The following PATJ variants were observed in gnomAD, a reference collection of about 807,000 sequenced individuals.
PATJ encodes the protein inaD-like protein.
PATJ carries 190 observed loss-of-function variants against 224.9 expected under a neutral mutation model. The observed-to-expected ratio is 0.84, with a 90% CI of 0.75 to 0.95. The LOEUF (loss-of-function observed/expected upper bound fraction) is 0.95. Ranked by LOEUF, PATJ falls within the 40% of genes least tolerant of loss-of-function variation. PATJ has a pLI of 0.00. For synonymous variants in PATJ, 769 were observed against 820.3 expected, an observed-to-expected ratio of 0.94 and a Z score of 1.07; for missense variants, 2,121 against 2,270.3, an observed-to-expected ratio of 0.93 and a Z score of 1.34.
intron 1 of PATJ, among the ~76,000 whole-genome samples, chr1:61,757,525 ACAGGCGTG>A (rs1193463408): frequency 6.6e-6 from 1 of 151,916 alleles, no homozygotes; most frequent in Non-Finnish European, 1.5e-5. Context: ...AGCTGGGACT[ACAGGCGTG>A]CACCATCACA....
chr1:61,757,646 A>G (rs1645726032), intron 1 of PATJ, among the ~76,000 whole-genome samples: 1 of 151,844 alleles, frequency 6.6e-6, no homozygotes, highest in African/African-American at 2.4e-5. Context: ...TTGGTCTCCT[A>G]AAGTGCTAGG....
intron 27 of PATJ, among the ~76,000 whole-genome samples, chr1:61,949,363 G>A (rs1020354961): frequency 5.3e-5 from 8 of 152,070 alleles, no homozygotes; most frequent in African/African-American, 1.9e-4. Context: ...TTGGGGGGTG[G>A]TGGGAAGTGG....
Position 61,775,308 on chromosome 1 carries a change from A to G in PATJ, c.823A>G (p.Ile275Val), listed in dbSNP as rs753018571. The change falls in exon 7 of 44, where the codon ATA becomes GTA. Residue 275 changes from isoleucine to valine, a missense_variant. Ile to Val is a conservative substitution (Grantham distance 29). Coordinates refer to ENST00000642238, the MANE Select transcript of PATJ (RefSeq NM_001350145.3). The part of the protein sequence containing the change: ...GKTSGVVVRT[I>V]VPGGLADRDG... ...AACAAGTGGCGTGGTTGTGAGGACT[A>G]TAGTTCCTGGAGGATTAGCAGATCG... is the stretch of plus-strand genomic sequence containing the variant. The G allele has an allele frequency of 2.5e-6, 4 of 1,613,532 alleles. No homozygotes were observed. Among genetic ancestry groups the G allele is most frequent in the East Asian group, 2.2e-5 (1 of 44,810 alleles).
intron 7 of PATJ, among the ~76,000 whole-genome samples, chr1:61,776,465 G>GA (rs945308089): frequency 5.3e-5 from 8 of 151,690 alleles, no homozygotes; most frequent in East Asian, 1.9e-4. Flanking sequence ...CAACAAAAAA[G>GA]AAAAAAAATG....
chr1:62,027,846 TGTTGA>T (rs1648324521), intron 29 of PATJ, among the ~76,000 whole-genome samples: 1 of 148,662 alleles, frequency 6.7e-6, no homozygotes, highest in South Asian at 2.2e-4. Context: ...GTTTTGCTGT[TGTTGA>T]GTTATGGGAG....
intron 29 of PATJ, among the ~76,000 whole-genome samples, chr1:62,022,643 C>T (rs1322689215): frequency 6.6e-6 from 1 of 152,220 alleles, no homozygotes; most frequent in Non-Finnish European, 1.5e-5. Flanking sequence ...TACCTTCCCC[C>T]ACTATCAAAA....
intron 31 of PATJ, among the ~76,000 whole-genome samples, chr1:62,065,743 T>A (rs1389504740): frequency 1.3e-5 from 2 of 152,238 alleles, no homozygotes; most frequent in Non-Finnish European, 2.9e-5. Context: ...TATCAGATTT[T>A]TTCTAAATTG....
chr1:62,093,905 T>C (rs554799673), intron 33 of PATJ, among the ~76,000 whole-genome samples: 1 of 152,318 alleles, frequency 6.6e-6, no homozygotes, highest in African/African-American at 2.4e-5. Context: ...TATAAAGCCA[T>C]TTCTTTTTTG....
At chr1:62,099,071 G>T (rs1558165359) in intron 33 of PATJ, among the ~76,000 whole-genome samples, 1 of 150,762 alleles carries the variant, frequency 6.6e-6, no homozygotes, top group Non-Finnish European at 1.5e-5. Flanking sequence ...GTGTAGATTT[G>T]GATGTAGTTT....
At chr1:62,044,841 C>T (rs1652220306) in intron 30 of PATJ, among the ~76,000 whole-genome samples, 1 of 152,072 alleles carries the variant, frequency 6.6e-6, no homozygotes, top group Non-Finnish European at 1.5e-5. Flanking sequence ...CAAGGTTTTG[C>T]AGAGGGAAAT....
At chr1:62,063,858 T>C (rs1318623237) in intron 31 of PATJ, among the ~76,000 whole-genome samples, 1 of 152,228 alleles carries the variant, frequency 6.6e-6, no homozygotes, top group Non-Finnish European at 1.5e-5. Flanking sequence ...ATTTTGTGTC[T>C]TGAAACTTCA....
chr1:61,910,534 C>CTCT (rs1672467963), intron 25 of PATJ, among the ~76,000 whole-genome samples: 1 of 59,074 alleles, frequency 1.7e-5, no homozygotes, highest in East Asian at 1.1e-3. Context: ...GGCAAAGTGA[C>CTCT]TCTTTTTTTT....
At chr1:61,944,447 G>A (rs1419532255) in intron 27 of PATJ, among the ~76,000 whole-genome samples, 4 of 152,268 alleles carry the variant, frequency 2.6e-5, no homozygotes, top group East Asian at 3.9e-4. Context: ...TTCAGTAGCC[G>A]ATTTGATCAA....
intron 20 of PATJ, among the ~76,000 whole-genome samples, chr1:61,870,862 A>G (rs916990573): frequency 1.3e-5 from 2 of 152,110 alleles, no homozygotes; most frequent in African/African-American, 4.8e-5. Flanking sequence ...CAAGGTTTCA[A>G]ATTTCTCCAC....
intron 31 of PATJ, among the ~76,000 whole-genome samples, chr1:62,077,583 A>T (rs139916313): frequency 6.6e-6 from 1 of 151,522 alleles, no homozygotes; most frequent in Non-Finnish European, 1.5e-5. Context: ...CCAGGTATTC[A>T]GGAGGCTGAG....
chr1:61,872,092 T>C lies in PATJ; in HGVS notation c.2836-3151T>C, dbSNP rs182888847. ...GATATCAATTTTCTTCTTCTTCATTTACTATTAACAGAATTACCATTAACT... is the reference window on the plus strand; with the variant it reads ...GATATCAATTTTCTTCTTCTTCATTCACTATTAACAGAATTACCATTAACT... On this transcript the variant is annotated intron_variant, in intron 20 of 43. Transcript: ENST00000642238. 4.6e-5 allele frequency among the ~76,000 whole-genome samples: 7 copies of C among 152,216 alleles called. No homozygotes were observed. In the East Asian group the frequency reaches 1.2e-3, roughly 25 times the overall value.
At chr1:61,921,175 A>G (rs1324373665) in intron 26 of PATJ, among the ~76,000 whole-genome samples, 1 of 152,186 alleles carries the variant, frequency 6.6e-6, no homozygotes. Flanking sequence ...ACATAACTGA[A>G]TTGAACCCAT....
chr1:61,934,182 G>A (rs142955846), intron 27 of PATJ, among the ~76,000 whole-genome samples: 4,694 of 150,092 alleles, frequency 0.031, 270 homozygotes, highest in African/African-American at 0.11. Flanking sequence ...GCAGTGGCAC[G>A]ATCTCGGCTC....
intron 29 of PATJ, among the ~76,000 whole-genome samples, chr1:62,020,838 T>C (rs559934935): frequency 2.6e-5 from 4 of 152,320 alleles, no homozygotes; most frequent in Non-Finnish European, 5.9e-5. Context: ...TTCATTCATT[T>C]ATTTTGAGAC....
Sources: allele counts gnomAD v4.1 joint callset (sites outside exome capture counted in the v4.1 genomes callset), GRCh38; gene constraint gnomAD v4.1.1; transcripts MANE v1.5; gene names NCBI Gene and HGNC (gene_info 2026-07-23, HGNC 2026-07-21).